CHD2: variants seen among roughly 807,000 people sequenced by gnomAD.
CHD2 encodes chromodomain helicase DNA binding protein 2, also known as ATP-dependent chromatin remodeler CHD2.
Under a neutral mutation model 243.9 loss-of-function variants are expected in CHD2, and 28 were observed. The observed-to-expected ratio is 0.11, with a 90% confidence interval of 0.09 to 0.16. The LOEUF is 0.16. Among genes scored for constraint, CHD2 ranks in the 10% least tolerant of loss-of-function variants. The probability of loss-of-function intolerance (pLI) is 1.00; values close to 1 mark genes in which losing one functional copy is unlikely to be tolerated. For synonymous variants in CHD2, 775 were observed against 779.0 expected, an observed-to-expected ratio of 0.99 and a Z score of 0.09; for missense variants, 1,386 against 2,209.8, an observed-to-expected ratio of 0.63 and a Z score of 7.47.
At position 92,910,098 on chromosome 15, in the gene CHD2, C is replaced by G. The variant is rs374718259; in HGVS notation, c.62+8799C>G. ...TTCGGTTCACTGCAACCTCCACCCT[C>G]CAGGCTCAAGCAGTTCTCCTGCCTT... On this transcript the variant is annotated intron_variant, in intron 2 of 38. Coordinates refer to ENST00000394196, the MANE Select transcript of CHD2 (RefSeq NM_001271.4). Among the ~76,000 whole-genome samples the G allele has an allele frequency of 1.8e-4, 28 of 152,124 alleles. No homozygotes were observed. In the East Asian group the frequency reaches 4.8e-3, roughly 26 times the overall value.
At chr15:92,924,702 A>G in intron 3 of CHD2, 150 bp downstream of exon 3, 3 of 649,586 alleles carry the variant, frequency 4.6e-6, no homozygotes, top group Non-Finnish European at 8.0e-6. Context: ...CTGAGGATAC[A>G]AATGAAGACT....
intron 7 of CHD2, among the ~76,000 whole-genome samples, chr15:92,940,845 TATATAA>T (rs1344687721): frequency 4.8e-5 from 5 of 105,184 alleles, no homozygotes; most frequent in Non-Finnish European, 1.1e-4. Flanking sequence ...TATAAAAATA[TATATAA>T]ATATATAAAT....
chr15:92,904,400 CT>C (rs2052579224), intron 2 of CHD2: 3 of 971,110 alleles, frequency 3.1e-6, no homozygotes, highest in African/African-American at 1.8e-5. Flanking sequence ...GACGGCTCCC[CT>C]GGGGGGCGGG....
Position 92,956,643 on chromosome 15 carries a change from C to T in CHD2, c.1994C>T (p.Pro665Leu), listed in dbSNP as rs773901289. 44 of 1,606,534 alleles carry T rather than the reference C, an allele frequency of 2.7e-5. 1 individual carries two copies. The highest frequency in any genetic ancestry group is 1.6e-4 in the Middle Eastern group (1 of 6,064). The change falls in exon 16 of 39, where the codon CCG becomes CTG. Residue 665 changes from proline to leucine, a missense_variant. Physicochemically the swap from Pro to Leu is moderately conservative, Grantham distance 98. Around this residue, in one of 19 missense-constraint regions of CHD2, gnomAD observed 118 missense variants for 266.3 expected, o/e 0.44. Transcript: ENST00000394196. ...ELWSLLHFIM[P>L]EKFEFWEDFE... ...TGGTCCTTGCTGCACTTTATTATGC[C>T]GGAGAAGTAAGCTCCTTCCTGTGTA...
chr15:92,968,719 A>C (rs1400094249), intron 17 of CHD2, among the ~76,000 whole-genome samples: 1 of 152,246 alleles, frequency 6.6e-6, no homozygotes, highest in African/African-American at 2.4e-5. Context: ...GAAAAGATCT[A>C]CTTTTCTTCA....
chr15:92,953,070 C>T (rs1169827509), intron 13 of CHD2, among the ~76,000 whole-genome samples: 1 of 152,156 alleles, frequency 6.6e-6, no homozygotes, highest in Non-Finnish European at 1.5e-5. Flanking sequence ...TAAAAGATAG[C>T]CTATGGAAGG....
chr15:93,012,937 C>G (rs1370748368), intron 36 of CHD2, among the ~76,000 whole-genome samples: 2 of 152,178 alleles, frequency 1.3e-5, no homozygotes, highest in Admixed American at 6.5e-5. Flanking sequence ...AGGCAGTGCT[C>G]CTTGTGTGGG....
Position 93,024,774 on chromosome 15 carries a change from A to G in CHD2, c.*69A>G. 2 of 1,350,950 alleles carry G rather than the reference A, an allele frequency of 1.5e-6. No homozygotes were observed. The highest frequency in any genetic ancestry group is 2.0e-6 in the Non-Finnish European group (2 of 981,526). The allele number at this position is 1,350,950 out of a possible 1,614,324, so 83.7% of individuals were successfully genotyped here. On this transcript the variant is annotated 3_prime_UTR_variant, in exon 39 of 39. Coordinates refer to ENST00000394196, the MANE Select transcript of CHD2 (RefSeq NM_001271.4). ...GATATTTTTGGTCTGATCCTACAGT[A>G]GCCGGTTATCTAGACCAGTAAGTGG...
chr15:93,019,457 T>A (rs1165338142), intron 37 of CHD2, among the ~76,000 whole-genome samples: 1 of 152,202 alleles, frequency 6.6e-6, no homozygotes, highest in Middle Eastern at 3.4e-3. Flanking sequence ...TTGGAAAGAA[T>A]GTTTAGGAGT....
intron 5 of CHD2, among the ~76,000 whole-genome samples, chr15:92,932,836 T>TCCGCCCCCTG (rs11267768): frequency 1.3e-5 from 2 of 151,822 alleles, no homozygotes; most frequent in African/African-American, 4.8e-5. Context: ...CAGCTCACTG[T>TCCGCCCCCTG]GACTCAAGTG....
chr15:93,004,585 G>T, intron 33 of CHD2, 32 bp from the exon 34 acceptor site: 1 of 1,587,614 alleles, frequency 6.3e-7, no homozygotes, highest in South Asian at 1.1e-5. Flanking sequence ...TTGCACAAAT[G>T]ACAATGACTC....
chr15:92,904,766 G>C, intron 2 of CHD2: 1 of 1,397,986 alleles, frequency 7.2e-7, no homozygotes, highest in Non-Finnish European at 9.3e-7. Context: ...ATACCTTAGC[G>C]TCCCTTCTCC....
intron 2 of CHD2, 75 bp from the exon 3 acceptor site, chr15:92,924,246 A>T (rs563636111): frequency 7.5e-7 from 1 of 1,328,388 alleles, no homozygotes; most frequent in Admixed American, 2.0e-5. Context: ...ATGTTTTACC[A>T]TGAGAATTTT....
rs1474908604 is a variant in CHD2, at chr15:93,025,111, G to A, written c.*406G>A. On this transcript the variant is annotated 3_prime_UTR_variant, in exon 39 of 39. Coordinates refer to ENST00000394196, the MANE Select transcript of CHD2 (RefSeq NM_001271.4). ...ATGGTCGGGGCAGGAACTGGTGCAT[G>A]GAGGCTGCTGGGACCTGGTGAACAG... 5.5e-6 allele frequency: 1 copy of A among 182,914 alleles called. No individual in the cohort carries two copies. The highest frequency in any genetic ancestry group is 6.1e-5 in the Admixed American group (1 of 16,344). The allele number at this position is 182,914 out of a possible 1,614,324, so 11.3% of individuals were successfully genotyped here. A position where few individuals can be genotyped will look rare whatever the true frequency, so the allele number is the denominator to read the frequency against.
Position 92,979,080 on chromosome 15 carries a change from T to C in CHD2, c.2728-55T>C, listed in dbSNP as rs74029210. ...ACAGAGCTAATCCTTCTCTCTTTTT[T>C]TGGGGGGGTTGGGGGGTGGTTCAGG... On this transcript the variant is annotated intron_variant, in intron 21 of 38. Transcript: ENST00000394196. The C allele has an allele frequency of 6.4e-4, 1,005 of 1,581,600 alleles. 8 individuals are homozygous for C. In the African/African-American group the frequency reaches 0.012, roughly 20 times the overall value.
At chr15:93,006,353 C>T (rs2054321959) in intron 34 of CHD2, among the ~76,000 whole-genome samples, 1 of 152,102 alleles carries the variant, frequency 6.6e-6, no homozygotes, top group Admixed American at 6.6e-5. Context: ...TCTAGAACTC[C>T]TGACCTCATG....
In CHD2 at chr15:92,998,111, A is replaced by G. The variant is rs2054209131; in HGVS notation, c.3886-388A>G. On this transcript the variant is annotated intron_variant, in intron 30 of 38. Transcript: ENST00000394196. The surrounding 1 kb of genome is among the most constrained non-coding windows in gnomAD (Gnocchi z 5.1). ...GCTCAGTGCTCTCCGGCAATGCTCT[A>G]AGAAGCATTTTCAATCTAAAACGAA... 2 of 890,002 alleles carry G rather than the reference A, an allele frequency of 2.2e-6. No individual in the cohort carries two copies. Among genetic ancestry groups the G allele is most frequent in the South Asian group, 9.4e-5 (2 of 21,316 alleles). The allele number at this position is 890,002 out of a possible 1,614,324, so 55.1% of individuals were successfully genotyped here. A position where few individuals can be genotyped will look rare whatever the true frequency, so the allele number is the denominator to read the frequency against.
intron 38 of CHD2, 100 bp downstream of exon 38, chr15:93,020,358 C>G (rs2054518946): frequency 4.2e-6 from 6 of 1,425,494 alleles, no homozygotes; most frequent in Non-Finnish European, 4.9e-6. Flanking sequence ...TATCAAATTA[C>G]TGAAGATCTC....
At chr15:92,980,676 G>C (rs1328024134) in intron 22 of CHD2, 139 bp from the exon 23 acceptor site, 4 of 626,106 alleles carry the variant, frequency 6.4e-6, no homozygotes, top group Admixed American at 3.1e-5. Flanking sequence ...AAAATGCGAT[G>C]TTTGAGAAAT....
Sources: gnomAD v4.1 joint callset for allele counts (sites outside exome capture counted in the v4.1 genomes callset) on GRCh38, gnomAD v4.1.1 for gene constraint, gnomAD v4.1.1 regional missense constraint, Gnocchi (gnomAD v3.1) non-coding constraint, MANE v1.5 for transcripts, NCBI Gene and HGNC (gene_info 2026-07-23, HGNC 2026-07-21) for gene names.